The following CFAP418 variants were observed in gnomAD, a reference collection of about 807,000 sequenced individuals.
The protein encoded by CFAP418 is cilia- and flagella-associated protein 418.
Under a neutral mutation model 24.7 loss-of-function variants are expected in CFAP418, and 27 were observed. The ratio of observed to expected loss-of-function variants is 1.09; its 90% CI spans 0.81 to 1.51. CFAP418 has a LOEUF of 1.51. Among genes scored for constraint, CFAP418 ranks in the 40% most tolerant of loss-of-function variants. The pLI, the probability that CFAP418 is intolerant of heterozygous loss-of-function variation, is 0.00. For missense variants in CFAP418, 257 were observed against 255.2 expected (o/e 1.01, Z -0.05); for synonymous variants, 74 against 87.3 (o/e 0.85, Z 0.85).
chr8:95,247,686 C>T lies in CFAP418; in HGVS notation c.555G>A (p.Trp185Ter), dbSNP rs748014296. ...GTRAYACQCSWRTIEEVTDLQ... is the reference protein window; with the variant it reads ...GTRAYACQCS ...GGTCAGTCACTTCTTCAATAGTTCTCCAGCTACACTGGCAGGCATATGCCC... is the reference window on the plus strand; with the variant it reads ...GGTCAGTCACTTCTTCAATAGTTCTTCAGCTACACTGGCAGGCATATGCCC... Residue 185 changes from tryptophan to a stop codon, truncating the protein, a stop_gained, in exon 6 of 6, where the codon TGG becomes TGA. Coordinates refer to ENST00000286688, the MANE Select transcript of CFAP418 (RefSeq NM_177965.4). LOFTEE classifies it high-confidence loss of function. The T allele has an allele frequency of 2.5e-6, 4 of 1,614,208 alleles. No homozygotes were observed. Among genetic ancestry groups the T allele is most frequent in the South Asian group, 1.1e-5 (1 of 91,082 alleles).
intron 2 of CFAP418, among the ~76,000 whole-genome samples, chr8:95,263,404 T>TA: frequency 6.6e-6 from 1 of 152,326 alleles, no homozygotes; most frequent in Admixed American, 6.5e-5. Context: ...CCTTAGATAC[T>TA]ACAAATAAAT....
At chr8:95,265,685 C>G (rs1211324652) in intron 1 of CFAP418, among the ~76,000 whole-genome samples, 1 of 152,224 alleles carries the variant, frequency 6.6e-6, no homozygotes, top group African/African-American at 2.4e-5. Flanking sequence ...CTCCACCAAC[C>G]TAATCAGTAC....
intron 4 of CFAP418, 81 bp downstream of exon 4, chr8:95,259,759 G>C: frequency 2.1e-6 from 2 of 973,802 alleles, no homozygotes; most frequent in Non-Finnish European, 3.2e-6. Flanking sequence ...TTGATGTGAA[G>C]ATGATAACTA....
In CFAP418 at chr8:95,245,185, C is replaced by T. The variant is rs1034533183; in HGVS notation, c.*2432G>A. 3.3e-5 allele frequency: 5 copies of T among 152,072 alleles called. No individual in the cohort carries two copies. The highest frequency in any genetic ancestry group is 7.4e-5 in the Non-Finnish European group (5 of 68,010). 9.4% of individuals were successfully genotyped at this position (152,072 alleles called of 1,614,324 possible). Reference sequence around the variant, plus strand: ...TTAGAAACTATACTTTTCTTCTATACTGATACTAAAATAGTTTCATTTTCA... The same window carrying T: ...TTAGAAACTATACTTTTCTTCTATATTGATACTAAAATAGTTTCATTTTCA... On this transcript the variant is annotated 3_prime_UTR_variant, in exon 6 of 6. Coordinates refer to ENST00000286688, the MANE Select transcript of CFAP418 (RefSeq NM_177965.4).
At chr8:95,261,989 G>T (rs989499290) in intron 2 of CFAP418, among the ~76,000 whole-genome samples, 4 of 152,186 alleles carry the variant, frequency 2.6e-5, no homozygotes, top group Non-Finnish European at 5.9e-5. Context: ...TCAGTATTTA[G>T]GAAGTATTCT....
At chr8:95,248,071 G>A (rs1416606320) in intron 5 of CFAP418, among the ~76,000 whole-genome samples, 3 of 151,824 alleles carry the variant, frequency 2.0e-5, no homozygotes, top group Non-Finnish European at 2.9e-5. Context: ...CAAACTCCTG[G>A]GCTCAAGTGA....
chr8:95,251,413 G>C (rs1312358184), intron 5 of CFAP418, among the ~76,000 whole-genome samples: 1 of 152,238 alleles, frequency 6.6e-6, no homozygotes, highest in African/African-American at 2.4e-5. Context: ...GTACTCTGAT[G>C]TAGCTAAAAT....
At chr8:95,249,147 A>C (rs1187108320) in intron 5 of CFAP418, among the ~76,000 whole-genome samples, 3 of 152,238 alleles carry the variant, frequency 2.0e-5, no homozygotes, top group Non-Finnish European at 2.9e-5. Context: ...TTAACATTTG[A>C]TACTTGACTG....
chr8:95,252,876 C>T (rs1049305037), intron 4 of CFAP418, among the ~76,000 whole-genome samples: 1 of 152,168 alleles, frequency 6.6e-6, no homozygotes, highest in African/African-American at 2.4e-5. Context: ...ACAAACAATG[C>T]TCATGATAAC....
In CFAP418 at chr8:95,268,737, G is replaced by GGCTGCGGGC. The variant is rs1395524755; in HGVS notation, c.155+297_155+298insGCCCGCAGC. 16 of 201,212 alleles carry GGCTGCGGGC rather than the reference G, an allele frequency of 8.0e-5. 1 individual carries two copies. Among genetic ancestry groups the GGCTGCGGGC allele is most frequent in the East Asian group, 3.1e-4 (3 of 9,792 alleles). 12.5% of individuals were successfully genotyped at this position (201,212 alleles called of 1,614,324 possible). On this transcript the variant is annotated intron_variant, in intron 1 of 5. Transcript: ENST00000286688. ...AAACAGGATGAAGGAGACTGGCGCG[G>GGCTGCGGGC]ACTGCGGGCTCTGCGGGCGGGGCGG...
rs763798204 is a variant in CFAP418, at chr8:95,252,285, T to G, written c.375-2A>C. 2 of 1,601,668 alleles carry G rather than the reference T, an allele frequency of 1.2e-6. No individual in the cohort carries two copies. The highest frequency in any genetic ancestry group is 1.7e-6 in the Non-Finnish European group (2 of 1,174,612). ...ATACAACGCAGATGGTCACATGCTC[T>G]GTTCAGAGAAAAAAAATTGTATATT... On this transcript the variant is annotated splice_acceptor_variant, in intron 4 of 5. Transcript: ENST00000286688. LOFTEE classifies it high-confidence loss of function.
At chr8:95,265,871 T>G (rs1453309817) in intron 1 of CFAP418, among the ~76,000 whole-genome samples, 1 of 152,234 alleles carries the variant, frequency 6.6e-6, no homozygotes, top group Non-Finnish European at 1.5e-5. Context: ...TCTTTTGATG[T>G]GACAATAATC....
intron 5 of CFAP418, among the ~76,000 whole-genome samples, chr8:95,250,335 C>G (rs1217400337): frequency 6.6e-6 from 1 of 152,196 alleles, no homozygotes; most frequent in Non-Finnish European, 1.5e-5. Context: ...CTAGTTGTCA[C>G]TGTTTTATCT....
intron 1 of CFAP418, among the ~76,000 whole-genome samples, chr8:95,267,584 AAAAT>A (rs1049056011): frequency 2.0e-5 from 3 of 152,224 alleles, no homozygotes; most frequent in African/African-American, 4.8e-5. Context: ...GCGAAACTCA[AAAAT>A]AAATAAATAA....
At chr8:95,254,192 C>T (rs1028266194) in intron 4 of CFAP418, among the ~76,000 whole-genome samples, 2 of 152,144 alleles carry the variant, frequency 1.3e-5, no homozygotes, top group East Asian at 1.9e-4. Context: ...GAGTAAAATT[C>T]GATTGGCTTG....
intron 4 of CFAP418, 128 bp downstream of exon 4, chr8:95,259,712 G>A: frequency 1.4e-6 from 1 of 712,258 alleles, no homozygotes; most frequent in South Asian, 1.8e-5. Context: ...AGAATTCTTA[G>A]ATTAGCTAAT....
rs1364778394 is a variant in CFAP418, at chr8:95,246,427, C to T, written c.*1190G>A. ...AGGAAAAGGATTCTAATGATCAGATCTTCCTCCCTTCAGTAGGGTGGCTGG... is the reference window on the plus strand; with the variant it reads ...AGGAAAAGGATTCTAATGATCAGATTTTCCTCCCTTCAGTAGGGTGGCTGG... On this transcript the variant is annotated 3_prime_UTR_variant, in exon 6 of 6. Coordinates refer to ENST00000286688, the MANE Select transcript of CFAP418 (RefSeq NM_177965.4). 2 of 152,224 alleles carry T rather than the reference C, an allele frequency of 1.3e-5. No individual in the cohort carries two copies. The highest frequency in any genetic ancestry group is 4.8e-5 in the African/African-American group (2 of 41,464). The allele number at this position is 152,224 out of a possible 1,614,324, so 9.4% of individuals were successfully genotyped here.
intron 4 of CFAP418, among the ~76,000 whole-genome samples, chr8:95,255,405 CTCTT>C (rs1811772460): frequency 6.6e-6 from 1 of 152,182 alleles, no homozygotes; most frequent in African/African-American, 2.4e-5. Flanking sequence ...ATGGTCACCT[CTCTT>C]TGTCTAACTC....
intron 2 of CFAP418, among the ~76,000 whole-genome samples, chr8:95,260,759 A>G (rs1320772219): frequency 5.3e-5 from 8 of 152,212 alleles, no homozygotes; most frequent in Non-Finnish European, 1.0e-4. Context: ...CTTTTAGGCT[A>G]GGAAACTGAT....
Sources: gnomAD v4.1 joint callset for allele counts (sites outside exome capture counted in the v4.1 genomes callset) on GRCh38, gnomAD v4.1.1 for gene constraint, MANE v1.5 for transcripts, NCBI Gene and HGNC (gene_info 2026-07-23, HGNC 2026-07-21) for gene names.